ARHGEF7: variants seen among roughly 807,000 people sequenced by gnomAD.
The protein encoded by ARHGEF7 is Rho guanine nucleotide exchange factor 7, also known as PAK-interacting exchange factor beta.
ARHGEF7 carries 33 observed loss-of-function variants against 109.8 expected under a neutral mutation model. The observed-to-expected ratio is 0.30, with a 90% CI of 0.23 to 0.40. ARHGEF7 has a LOEUF of 0.40. ARHGEF7 is among the 10% of genes least tolerant of loss of function. ARHGEF7 has a pLI of 1.00. For missense variants in ARHGEF7, 938 were observed against 1,098.5 expected (o/e 0.85, Z 2.07); for synonymous variants, 458 against 424.6 (o/e 1.08, Z -0.97).
chr13:111,262,304 C>T (rs936916341), intron 8 of ARHGEF7, among the ~76,000 whole-genome samples: 1 of 152,198 alleles, frequency 6.6e-6, no homozygotes, highest in Non-Finnish European at 1.5e-5. Flanking sequence ...CTACTGTGAA[C>T]AACTGTATGC....
At chr13:111,282,411 G>C (rs895754053) in intron 15 of ARHGEF7, among the ~76,000 whole-genome samples, 3 of 152,176 alleles carry the variant, frequency 2.0e-5, no homozygotes, top group Admixed American at 2.0e-4. Context: ...GGTTTTCCAG[G>C]AATATAAAAT....
intron 1 of ARHGEF7, among the ~76,000 whole-genome samples, chr13:111,128,646 GAA>G (rs2067740589): frequency 1.3e-5 from 2 of 152,178 alleles, no homozygotes; most frequent in African/African-American, 4.8e-5. Context: ...CAATAGCAAA[GAA>G]ATGAAAGAAA....
intron 1 of ARHGEF7, among the ~76,000 whole-genome samples, chr13:111,118,200 A>G (rs1269341211): frequency 6.6e-6 from 1 of 152,234 alleles, no homozygotes; most frequent in Non-Finnish European, 1.5e-5. Flanking sequence ...GTCTTTTATT[A>G]AGAAACCATG....
At chr13:111,285,438 T>A (rs2092977946) in intron 16 of ARHGEF7, among the ~76,000 whole-genome samples, 1 of 152,362 alleles carries the variant, frequency 6.6e-6, no homozygotes, top group East Asian at 1.9e-4. Flanking sequence ...GCTTGACAGT[T>A]GACACCTTAC....
chr13:111,201,083 T>A (rs1216477073), intron 2 of ARHGEF7, among the ~76,000 whole-genome samples: 2 of 152,188 alleles, frequency 1.3e-5, no homozygotes, highest in Non-Finnish European at 2.9e-5. Flanking sequence ...ACCTAGGACT[T>A]GATCCCCAGG....
intron 8 of ARHGEF7, among the ~76,000 whole-genome samples, chr13:111,262,177 A>G (rs2091163788): frequency 6.6e-6 from 1 of 152,242 alleles, no homozygotes; most frequent in African/African-American, 2.4e-5. Flanking sequence ...TTTTGAAAAA[A>G]TAAAATTGAC....
At chr13:111,186,875 G>T (rs1445230383) in intron 2 of ARHGEF7, 1 of 985,358 alleles carries the variant, frequency 1.0e-6, no homozygotes, top group Non-Finnish European at 1.2e-6. Flanking sequence ...GTGAGGAGAA[G>T]CAAAAAGACG....
At chr13:111,236,156 C>G (rs1455110640) in intron 6 of ARHGEF7, among the ~76,000 whole-genome samples, 2 of 152,154 alleles carry the variant, frequency 1.3e-5, no homozygotes, top group African/African-American at 4.8e-5. Flanking sequence ...TTTCTCTCTC[C>G]TCTCCTTCTG....
chr13:111,218,150 T>C (rs1329857416), intron 5 of ARHGEF7, among the ~76,000 whole-genome samples: 2 of 152,168 alleles, frequency 1.3e-5, no homozygotes, highest in African/African-American at 4.8e-5. Flanking sequence ...ATTGCAGTTT[T>C]ACTGTGAAAG....
chr13:111,125,085 T>C (rs1315139108), intron 1 of ARHGEF7, among the ~76,000 whole-genome samples: 1 of 152,184 alleles, frequency 6.6e-6, no homozygotes, highest in Non-Finnish European at 1.5e-5. Context: ...TTATTGAAGA[T>C]GATGCTTGTG....
chr13:111,162,190 A>G (rs941683432), intron 2 of ARHGEF7, among the ~76,000 whole-genome samples: 1 of 152,152 alleles, frequency 6.6e-6, no homozygotes, highest in Non-Finnish European at 1.5e-5. Flanking sequence ...TGAATCTTTT[A>G]TATATTTTCT....
At chr13:111,119,934 C>G (rs374516536) in intron 1 of ARHGEF7, among the ~76,000 whole-genome samples, 1 of 152,012 alleles carries the variant, frequency 6.6e-6, no homozygotes, top group Admixed American at 6.6e-5. Context: ...GACCTGTAGC[C>G]GTCATAAAGA....
At chr13:111,159,065 A>T (rs922420798) in intron 2 of ARHGEF7, 3 of 718,358 alleles carry the variant, frequency 4.2e-6, no homozygotes, top group Non-Finnish European at 7.8e-6. Context: ...AGCATCTGGT[A>T]ACCACCATTC....
rs532454908 is a variant in ARHGEF7 at position 111,270,951 on chromosome 13, G to A, written c.1074-2863G>A. ...CTTCTGAGTAAGAACTGGGCGGAGG[G>A]GAGGGATGTGTGTGTGCGGAACAGG... On this transcript the variant is annotated intron_variant, in intron 9 of 21. Transcript: ENST00000646102. 4.1e-4 allele frequency among the ~76,000 whole-genome samples: 62 copies of A among 152,314 alleles called. 1 individual carries two copies. Among genetic ancestry groups the A allele is most frequent in the African/African-American group, 1.4e-3 (59 of 41,556 alleles).
At position 111,255,471 on chromosome 13, in the gene ARHGEF7, G is replaced by A. The variant is rs897920384; in HGVS notation, c.950+11177G>A. ...TGGTGTCACCCACCCAGAGTCTTGC[G>A]GAGGTAAAGTGGCCTGGTACTTACG... On this transcript the variant is annotated intron_variant, in intron 8 of 21. Transcript: ENST00000646102. The surrounding 1 kb of genome is among the most constrained non-coding windows in gnomAD (Gnocchi z 4.1). Among the ~76,000 whole-genome samples the A allele has an allele frequency of 9.9e-5, 15 of 152,192 alleles. No individual in the cohort carries two copies. Among genetic ancestry groups the A allele is most frequent in the African/African-American group, 2.9e-4 (12 of 41,438 alleles).
intron 12 of ARHGEF7, 199 bp downstream of exon 12, chr13:111,275,877 T>C: frequency 1.6e-6 from 1 of 607,006 alleles, no homozygotes; most frequent in Middle Eastern, 4.4e-4. Flanking sequence ...TGTGGACTTG[T>C]TGATCAGTTT....
chr13:111,151,143 G>C (rs747195515), intron 1 of ARHGEF7, among the ~76,000 whole-genome samples: 1 of 152,190 alleles, frequency 6.6e-6, no homozygotes, highest in Non-Finnish European at 1.5e-5. Flanking sequence ...TCAGGGGCTC[G>C]TGTGACCATT....
At chr13:111,192,250 C>A (rs1436121984) in intron 2 of ARHGEF7, among the ~76,000 whole-genome samples, 1 of 152,064 alleles carries the variant, frequency 6.6e-6, no homozygotes, top group Non-Finnish European at 1.5e-5. Context: ...ACTCCTGCCA[C>A]CTTAACTGCA....
chr13:111,270,562 A>T (rs964068731), intron 9 of ARHGEF7, among the ~76,000 whole-genome samples: 1 of 152,050 alleles, frequency 6.6e-6, no homozygotes, highest in African/African-American at 2.4e-5. Flanking sequence ...CACATGTTTC[A>T]CTTTTTTGGC....
Sources: gnomAD v4.1 joint callset for allele counts (sites outside exome capture counted in the v4.1 genomes callset) on GRCh38, gnomAD v4.1.1 for gene constraint, Gnocchi (gnomAD v3.1) non-coding constraint, MANE v1.5 for transcripts, NCBI Gene and HGNC (gene_info 2026-07-23, HGNC 2026-07-21) for gene names.